IL1RAPL1: variants seen among roughly 807,000 people sequenced by gnomAD.
IL1RAPL1 encodes interleukin-1 receptor accessory protein-like 1.
IL1RAPL1 carries 3 observed loss-of-function variants against 48.4 expected under a neutral mutation model. The ratio of observed to expected loss-of-function variants is 0.06; its 90% CI spans 0.03 to 0.16. IL1RAPL1 has a LOEUF of 0.16. Among genes scored for constraint, IL1RAPL1 ranks in the 10% least tolerant of loss-of-function variants. The probability of loss-of-function intolerance (pLI) is 1.00; values close to 1 mark genes in which losing one functional copy is unlikely to be tolerated. For missense variants in IL1RAPL1, 349 were observed against 530.6 expected, an observed-to-expected ratio of 0.66 and a Z score of 3.36; for synonymous variants, 185 against 187.7, an observed-to-expected ratio of 0.99 and a Z score of 0.12.
chrX:29,903,568 C>G (rs1176290446), intron 6 of IL1RAPL1, among the ~76,000 whole-genome samples: 3 of 111,030 alleles, frequency 2.7e-5, no homozygotes, highest in Non-Finnish European at 3.8e-5. Context: ...TAGAGAGTGT[C>G]CTCTAGTGGA....
chrX:29,378,151 G>T (rs1306543511), intron 3 of IL1RAPL1, among the ~76,000 whole-genome samples: 1 of 107,635 alleles, frequency 9.3e-6, no homozygotes, highest in African/African-American at 3.4e-5. Context: ...TTCTCAGTTT[G>T]GTCTATTCTG....
At chrX:29,334,659 G>A (rs1219534193) in intron 3 of IL1RAPL1, among the ~76,000 whole-genome samples, 36 of 108,603 alleles carry the variant, frequency 3.3e-4, no homozygotes, top group African/African-American at 1.1e-3. Context: ...CAGCAGAGGC[G>A]CTCCTCACAT....
At chrX:28,760,942 C>T (rs896379349) in intron 1 of IL1RAPL1, among the ~76,000 whole-genome samples, 9 of 109,298 alleles carry the variant, frequency 8.2e-5, no homozygotes, top group African/African-American at 1.0e-4. Context: ...AAACATTAGC[C>T]GGGCATGGTG....
intron 2 of IL1RAPL1, among the ~76,000 whole-genome samples, chrX:28,922,002 A>G (rs373526929): frequency 3.7e-4 from 41 of 111,552 alleles, no homozygotes; most frequent in African/African-American, 1.1e-3. Context: ...AACTTGCCTT[A>G]GTTTTAATAT....
intron 2 of IL1RAPL1, among the ~76,000 whole-genome samples, chrX:28,990,108 T>G (rs780622162): frequency 8.9e-6 from 1 of 111,807 alleles, no homozygotes; most frequent in East Asian, 2.8e-4. Context: ...GGTATTCTTT[T>G]TCCAAAGCCA....
intron 5 of IL1RAPL1, among the ~76,000 whole-genome samples, chrX:29,659,617 G>T (rs781605731): frequency 9.0e-6 from 1 of 111,531 alleles, no homozygotes; most frequent in Non-Finnish European, 1.9e-5. Context: ...GTTTTTGTTT[G>T]TGTTTTTGTT....
rs149640261 is a variant in IL1RAPL1, at chrX:29,560,616, G to A, written c.704-107814G>A. 9.3e-3 allele frequency among the ~76,000 whole-genome samples: 1,034 copies of A among 111,412 alleles called. 11 individuals carry two copies. Among genetic ancestry groups the A allele is most frequent in the African/African-American group, 0.032 (981 of 30,734 alleles). On this transcript the variant is annotated intron_variant, in intron 5 of 10. Transcript: ENST00000378993. The stretch of plus-strand genomic sequence containing the variant: ...TGTAATTTCAAATAATCTTTCTTAA[G>A]TTCTTATATATTTTCTTCTGCTTTA...
intron 2 of IL1RAPL1, among the ~76,000 whole-genome samples, chrX:29,051,132 T>C (rs186626945): frequency 1.8e-5 from 2 of 112,443 alleles, no homozygotes; most frequent in East Asian, 2.8e-4. Flanking sequence ...ACCAATAGCA[T>C]TAAATGATAA....
At chrX:29,403,403 A>G (rs1378260315) in intron 5 of IL1RAPL1, among the ~76,000 whole-genome samples, 1 of 109,757 alleles carries the variant, frequency 9.1e-6, no homozygotes, top group East Asian at 2.9e-4. Flanking sequence ...TGGCCCTTTA[A>G]GATGCTCTAA....
At chrX:29,414,384 T>C (rs1934187833) in intron 5 of IL1RAPL1, among the ~76,000 whole-genome samples, 1 of 112,202 alleles carries the variant, frequency 8.9e-6, no homozygotes, top group South Asian at 3.6e-4. Flanking sequence ...AAAAGATTCA[T>C]TTGAAAATAA....
chrX:29,337,521 A>G (rs1247383218), intron 3 of IL1RAPL1, among the ~76,000 whole-genome samples: 2 of 111,433 alleles, frequency 1.8e-5, no homozygotes, highest in African/African-American at 6.5e-5. Context: ...CTTATTATAT[A>G]TGTGACCTTA....
intron 2 of IL1RAPL1, among the ~76,000 whole-genome samples, chrX:29,228,332 A>AATGTGTGTGTGTGTGTGTGTGTGTGTGT (rs777963523): frequency 3.8e-5 from 3 of 79,559 alleles, no homozygotes; most frequent in Non-Finnish European, 2.4e-5. Flanking sequence ...AGTTTTGCCT[A>AATGTGTGTGTGTGTGTGTGTGTGTGTGT]GTGTGTGTGT....
chrX:29,779,407 G>T (rs914082055), intron 6 of IL1RAPL1, among the ~76,000 whole-genome samples: 2 of 111,069 alleles, frequency 1.8e-5, no homozygotes, highest in African/African-American at 6.5e-5. Context: ...CATGCACATG[G>T]ACATAAAGAA....
At chrX:28,672,053 A>C (rs780929837) in intron 1 of IL1RAPL1, among the ~76,000 whole-genome samples, 2 of 112,375 alleles carry the variant, frequency 1.8e-5, no homozygotes, top group African/African-American at 6.5e-5. Flanking sequence ...CTACAGGCTT[A>C]AATATCAACA....
At chrX:29,766,059 G>A (rs941704357) in intron 6 of IL1RAPL1, among the ~76,000 whole-genome samples, 2 of 108,691 alleles carry the variant, frequency 1.8e-5, no homozygotes, top group South Asian at 4.0e-4. Flanking sequence ...GGCTGGGCGC[G>A]GTGGCTCACG....
At chrX:29,581,053 G>T (rs1271337730) in intron 5 of IL1RAPL1, among the ~76,000 whole-genome samples, 2 of 111,806 alleles carry the variant, frequency 1.8e-5, no homozygotes, top group Non-Finnish European at 3.8e-5. Context: ...AGCACAGCAG[G>T]TCTGCAATAC....
intron 1 of IL1RAPL1, among the ~76,000 whole-genome samples, chrX:28,781,300 AT>A (rs1012143630): frequency 6.5e-4 from 67 of 103,786 alleles, no homozygotes; most frequent in Non-Finnish European, 6.3e-4. Context: ...TTTTTTATTT[AT>A]TTTTATTTTT....
intron 6 of IL1RAPL1, among the ~76,000 whole-genome samples, chrX:29,708,119 T>A (rs1263286113): frequency 9.0e-6 from 1 of 110,970 alleles, no homozygotes; most frequent in Non-Finnish European, 1.9e-5. Context: ...TTTTATTGAT[T>A]TTAAGTGACA....
intron 2 of IL1RAPL1, among the ~76,000 whole-genome samples, chrX:29,210,349 C>T (rs188100088): frequency 1.8e-5 from 2 of 111,990 alleles, no homozygotes; most frequent in Admixed American, 9.5e-5. Flanking sequence ...AATCGTGACG[C>T]TCTTCTGATA....
Sources: gnomAD v4.1 joint callset for allele counts (sites outside exome capture counted in the v4.1 genomes callset) on GRCh38, gnomAD v4.1.1 for gene constraint, MANE v1.5 for transcripts, NCBI Gene and HGNC (gene_info 2026-07-23, HGNC 2026-07-21) for gene names.